The following FARSA variants were observed in gnomAD, a reference collection of about 807,000 sequenced individuals.
FARSA encodes phenylalanyl-tRNA synthetase subunit alpha.
Under a neutral mutation model 63.2 loss-of-function variants are expected in FARSA, and 37 were observed. The ratio of observed to expected loss-of-function variants is 0.59; its 90% confidence interval spans 0.45 to 0.77. The LOEUF is 0.77. Among genes scored for constraint, FARSA ranks in the 30% least tolerant of loss-of-function variants. FARSA has a pLI of 0.00. For synonymous variants in FARSA, 312 were observed against 285.1 expected (o/e 1.09, Z -0.95); for missense variants, 618 against 696.6 (o/e 0.89, Z 1.27).
intron 7 of FARSA, among the ~76,000 whole-genome samples, chr19:12,927,116 C>G (rs1042635755): frequency 6.6e-6 from 1 of 152,172 alleles, no homozygotes; most frequent in Non-Finnish European, 1.5e-5. Context: ...AGAATGAACA[C>G]TAGGGGAGAA....
At position 12,922,778 on chromosome 19, in the gene FARSA, C is replaced by T. The variant is rs201776310; in HGVS notation, c.1497G>A (p.Pro499=). ...CAGCCTCCTGTGTGGGAGGGGGCCT[C>T]GGCTCGGCATCCAGGCGGCACAGGG... is the stretch of plus-strand genomic sequence containing the variant. The part of the protein sequence containing the change: ...DSPLCRLDAE[P]RPPPTQEAA The change falls in exon 13 of 13, where the codon CCG becomes CCA. Residue 499 remains proline (P), a synonymous_variant. Transcript: ENST00000314606. The T allele has an allele frequency of 7.4e-6, 12 of 1,613,898 alleles. No individual in the cohort carries two copies. The highest frequency in any genetic ancestry group is 6.7e-5 in the East Asian group (3 of 44,886).
chr19:12,924,243 G>A lies in FARSA; in HGVS notation c.1296C>T (p.Val432=), dbSNP rs754658085. The part of the protein sequence containing the change: ...YHQGLKKWVE[V]GNSGVFRPEM... ...CTGGACGGAAGACCCCCGAGTTTCC[G>A]ACCTCCACCCACTTCTTCAGGCCTG... The change falls in exon 12 of 13, where the codon GTC becomes GTT. Residue 432 remains valine, a synonymous_variant. Transcript: ENST00000314606. The surrounding 1 kb of genome is among the most constrained non-coding windows in gnomAD (Gnocchi z 6.4). 37 of 1,613,942 alleles carry A rather than the reference G, an allele frequency of 2.3e-5. No individual in the cohort carries two copies. The highest frequency in any genetic ancestry group is 3.0e-5 in the Non-Finnish European group (35 of 1,180,002).
At chr19:12,925,619 G>A (rs552403469) in intron 7 of FARSA, among the ~76,000 whole-genome samples, 1 of 152,098 alleles carries the variant, frequency 6.6e-6, no homozygotes, top group African/African-American at 2.4e-5. Flanking sequence ...CGGCCTCCCA[G>A]TGTTGGGATT....
intron 7 of FARSA, 50 bp from the exon 8 acceptor site, chr19:12,925,224 C>CT (rs371041405): frequency 0.068 from 67,993 of 1,005,210 alleles, 4 homozygotes; most frequent in Non-Finnish European, 0.073. Context: ...TTTCCCACCC[C>CT]TTTTTTTTTT....
At chr19:12,926,736 C>G (rs1971331944) in intron 7 of FARSA, among the ~76,000 whole-genome samples, 1 of 152,138 alleles carries the variant, frequency 6.6e-6, no homozygotes. Context: ...TTTATTTGTA[C>G]AGATGGGTCT....
rs747119390 is a variant in FARSA, at chr19:12,930,600, C to G, written c.285+12G>C. On this transcript the variant is annotated intron_variant, in intron 2 of 12. Transcript: ENST00000314606. The stretch of plus-strand genomic sequence containing the variant: ...CCCATCACTCACTCCCCATTCACCC[C>G]GCAGCTCCTACCATAAGCTCGCTCT... 1.2e-6 allele frequency: 2 copies of G among 1,608,140 alleles called. No homozygotes were observed. The highest frequency in any genetic ancestry group is 2.2e-5 in the East Asian group (1 of 44,786).
chr19:12,933,325 C>T (rs1971415862), intron 1 of FARSA: 1 of 554,640 alleles, frequency 1.8e-6, no homozygotes, highest in South Asian at 2.3e-5. Context: ...ATCATCGTAC[C>T]CTCTACCCAC....
Position 12,922,716 on chromosome 19 carries a change from G to A in FARSA, c.*32C>T, listed in dbSNP as rs200922311. 246 of 1,611,014 alleles carry A rather than the reference G, an allele frequency of 1.5e-4. 1 individual carries two copies. The Middle Eastern group carries it at 2.9e-3, about 19-fold the overall frequency. Reference sequence around the variant, plus strand: ...CAAAGGAGCGCAGCAGCAGGGACTCGGGGAGGATGACCTGTCCTAGAGTGG... The same window carrying A: ...CAAAGGAGCGCAGCAGCAGGGACTCAGGGAGGATGACCTGTCCTAGAGTGG... On this transcript the variant is annotated 3_prime_UTR_variant, in exon 13 of 13. Transcript: ENST00000314606.
intron 4 of FARSA, among the ~76,000 whole-genome samples, chr19:12,929,453 C>G (rs561331575): frequency 1.8e-4 from 27 of 152,240 alleles, no homozygotes; most frequent in Non-Finnish European, 2.6e-4. Flanking sequence ...GTGATTTGCC[C>G]GCCTCGGCCT....
In FARSA at chr19:12,924,918, G is replaced by C. The variant is rs201276620; in HGVS notation, c.1012C>G (p.Arg338Gly). 1.9e-6 allele frequency: 3 copies of C among 1,614,246 alleles called. No homozygotes were observed. The highest frequency in any genetic ancestry group is 1.7e-6 in the Non-Finnish European group (2 of 1,180,028). ...TTSASARALY[R>G]LAQKKPFTPV... ...GCCAACCGCACCTTCTGGGCAAGGC[G>C]GTAGAGCGCACGGGCGCTGGCTGAT... The change falls in exon 9 of 13, where the codon CGC (arginine) becomes GGC (glycine). Residue 338 changes from arginine (R) to glycine (G), a missense_variant. Arg to Gly is a moderately radical substitution (Grantham distance 125). Transcript: ENST00000314606. The surrounding 1 kb of genome is among the most constrained non-coding windows in gnomAD (Gnocchi z 6.4).
rs1426137249 is a variant in FARSA at position 12,924,413 on chromosome 19, C to A, written c.1273+36G>T. 1.9e-6 allele frequency: 3 copies of A among 1,606,250 alleles called. No individual in the cohort carries two copies. Among genetic ancestry groups the A allele is most frequent in the Non-Finnish European group, 2.6e-6 (3 of 1,175,268 alleles). Reference sequence around the variant, plus strand: ...CAGGCCAAACCATAGTAGCCTGAGACCTCCCTCCCACCCCAGTACCAGGGC... The same window carrying A: ...CAGGCCAAACCATAGTAGCCTGAGAACTCCCTCCCACCCCAGTACCAGGGC... On this transcript the variant is annotated intron_variant, in intron 11 of 12. Transcript: ENST00000314606. This position sits in a 1 kb window ranked among gnomAD's most constrained non-coding sequence, Gnocchi z 6.4.
At chr19:12,925,305 TC>T in intron 7 of FARSA, 131 bp from the exon 8 acceptor site, 2 of 694,596 alleles carry the variant, frequency 2.9e-6, no homozygotes, top group Non-Finnish European at 2.5e-6. Flanking sequence ...AACCTCTGCC[TC>T]CCAGGTTCAA....
chr19:12,933,683 T>C lies in FARSA; in HGVS notation c.14A>G (p.Gln5Arg). The C allele has an allele frequency of 1.9e-6, 3 of 1,569,974 alleles. No homozygotes were observed. The highest frequency in any genetic ancestry group is 1.2e-5 in the South Asian group (1 of 86,278). Reference protein sequence around the residue: MADGQVAELLLRRLE... With the variant: MADGRVAELLLRRLE... ...CCGCCGGAGCAGCAGTTCCGCCACC[T>C]GACCATCCGCCATGACTCCTTCCAG... Residue 5 changes from glutamine to arginine, a missense_variant, in exon 1 of 13, where the codon CAG becomes CGG. Physicochemically the swap from Gln to Arg is conservative, Grantham distance 43 (BLOSUM62 1). Transcript: ENST00000314606.
Position 12,924,227 on chromosome 19 carries a change from A to G in FARSA, c.1312T>C (p.Phe438Leu), listed in dbSNP as rs1971298750. 6.2e-7 allele frequency: 1 copy of G among 1,614,020 alleles called. No homozygotes were observed. Among genetic ancestry groups the G allele is most frequent in the Admixed American group, 1.7e-5 (1 of 59,986 alleles). ...KWVEVGNSGVFRPEMLLPMGL... is the reference protein window; with the variant it reads ...KWVEVGNSGVLRPEMLLPMGL... ...ATGGGCAGCAGCATCTCTGGACGGA[A>G]GACCCCCGAGTTTCCGACCTCCACC... The change falls in exon 12 of 13, where the codon TTC (phenylalanine) becomes CTC (leucine). Residue 438 changes from phenylalanine (F) to leucine (L), a missense_variant. Phe to Leu is a conservative substitution (Grantham distance 22). Transcript: ENST00000314606. The surrounding 1 kb of genome is among the most constrained non-coding windows in gnomAD (Gnocchi z 6.4).
intron 12 of FARSA, among the ~76,000 whole-genome samples, chr19:12,923,231 C>T (rs16978813): frequency 0.05 from 7,646 of 152,194 alleles, 674 homozygotes; most frequent in African/African-American, 0.18. Flanking sequence ...TCACTGACCA[C>T]GTAGTTGCCT....
chr19:12,924,577 T>C lies in FARSA; in HGVS notation c.1196-51A>G. 6.2e-7 allele frequency: 1 copy of C among 1,611,990 alleles called. No individual in the cohort carries two copies. The highest frequency in any genetic ancestry group is 2.2e-5 in the East Asian group (1 of 44,860). ...AGAGCAGGGGTTTGGAGGATAATGC[T>C]GGTGATCAACACACCTGCCCGCTGC... On this transcript the variant is annotated intron_variant, in intron 10 of 12. Transcript: ENST00000314606. This position sits in a 1 kb window ranked among gnomAD's most constrained non-coding sequence, Gnocchi z 6.4.
intron 7 of FARSA, among the ~76,000 whole-genome samples, chr19:12,926,934 G>C (rs1971333761): frequency 6.6e-6 from 1 of 152,244 alleles, no homozygotes; most frequent in African/African-American, 2.4e-5. Flanking sequence ...TGAGTGCTTA[G>C]TAAGTTTTGG....
intron 5 of FARSA, 29 bp downstream of exon 5, chr19:12,928,726 C>T (rs780747766): frequency 1.2e-6 from 2 of 1,614,104 alleles, no homozygotes; most frequent in South Asian, 2.2e-5. Context: ...CCAGCTCCCA[C>T]CTGCCCTGAC....
rs1348816790 is a variant in FARSA, at chr19:12,928,666, G to C, written c.597-3C>G. On this transcript the variant is annotated splice_region_variant and splice_polypyrimidine_tract_variant and intron_variant, in intron 5 of 12. Transcript: ENST00000314606. ...AGGGCCGGTCCCGCCAAGAGCCACTGGGGGAGGATGCAAGGGCCTGGTAAG... is the reference window on the plus strand; with the variant it reads ...AGGGCCGGTCCCGCCAAGAGCCACTCGGGGAGGATGCAAGGGCCTGGTAAG... 1 of 1,612,844 alleles carries C rather than the reference G, an allele frequency of 6.2e-7. No individual in the cohort carries two copies. Among genetic ancestry groups the C allele is most frequent in the African/African-American group, 1.3e-5 (1 of 75,032 alleles).
Sources: gnomAD v4.1 joint callset for allele counts (sites outside exome capture counted in the v4.1 genomes callset) on GRCh38, gnomAD v4.1.1 for gene constraint, Gnocchi (gnomAD v3.1) non-coding constraint, MANE v1.5 for transcripts, NCBI Gene and HGNC (gene_info 2026-07-23, HGNC 2026-07-21) for gene names.